VTI1A: variants seen among roughly 807,000 people sequenced by gnomAD.
VTI1A encodes the protein vesicle transport through interaction with t-SNAREs homolog 1A.
In VTI1A, 22 loss-of-function variants were observed where a neutral mutation model predicts 34.9. The ratio of observed to expected loss-of-function variants is 0.63; its 90% CI spans 0.45 to 0.90. VTI1A has a LOEUF of 0.90. Ranked by LOEUF, VTI1A falls within the 40% of genes least tolerant of loss-of-function variation. The pLI is 0.00. For synonymous variants in VTI1A, 87 were observed against 97.3 expected, an observed-to-expected ratio of 0.89 and a Z score of 0.62; for missense variants, 268 against 275.6, an observed-to-expected ratio of 0.97 and a Z score of 0.20.
At chr10:112,710,743 T>C (rs1450178527) in intron 7 of VTI1A, among the ~76,000 whole-genome samples, 1 of 152,178 alleles carries the variant, frequency 6.6e-6, no homozygotes, top group Non-Finnish European at 1.5e-5. Flanking sequence ...GTTATCTGCC[T>C]TAGCTCTGAA....
At chr10:112,756,260 T>C (rs1156546204) in intron 7 of VTI1A, among the ~76,000 whole-genome samples, 1 of 152,162 alleles carries the variant, frequency 6.6e-6, no homozygotes, top group East Asian at 1.9e-4. Flanking sequence ...TCATTATGCT[T>C]ATCAATCTTT....
chr10:112,732,450 G>A (rs1029792068), intron 7 of VTI1A, among the ~76,000 whole-genome samples: 3 of 152,200 alleles, frequency 2.0e-5, no homozygotes, highest in Admixed American at 6.5e-5. Context: ...TGCAGTGCAA[G>A]CATTCAGACT....
chr10:112,586,559 G>T (rs1032146427), intron 5 of VTI1A, among the ~76,000 whole-genome samples: 3 of 152,096 alleles, frequency 2.0e-5, no homozygotes, highest in African/African-American at 7.2e-5. Flanking sequence ...TTTTGACATT[G>T]CATGTGACCT....
chr10:112,668,867 G>C, intron 6 of VTI1A, 70 bp from the exon 7 acceptor site: 1 of 1,470,860 alleles, frequency 6.8e-7, no homozygotes, highest in Non-Finnish European at 9.4e-7. Flanking sequence ...GAAATAAATT[G>C]TCGCTTGCCA....
At chr10:112,469,569 C>T (rs1303185307) in intron 3 of VTI1A, among the ~76,000 whole-genome samples, 2 of 152,158 alleles carry the variant, frequency 1.3e-5, no homozygotes, top group Non-Finnish European at 2.9e-5. Flanking sequence ...TATTGTTAGA[C>T]TTTTTAGAAC....
Position 112,447,363 on chromosome 10 carries a change from C to T in VTI1A, c.-11C>T. 1 of 1,612,156 alleles carries T rather than the reference C, an allele frequency of 6.2e-7. No individual in the cohort carries two copies. The highest frequency in any genetic ancestry group is 8.5e-7 in the Non-Finnish European group (1 of 1,179,414). ...TAGGCTTTGGCCTGGGCTACTCGTT[C>T]CGGAGCCGCCATGTCGTCCGACTTC... On this transcript the variant is annotated 5_prime_UTR_variant, in exon 1 of 8. Transcript: ENST00000393077.
At chr10:112,708,314 T>A (rs939892825) in intron 7 of VTI1A, among the ~76,000 whole-genome samples, 3 of 152,256 alleles carry the variant, frequency 2.0e-5, no homozygotes, top group Non-Finnish European at 4.4e-5. Context: ...CAGGCACTAA[T>A]GTGCAGTATG....
At chr10:112,523,744 A>G (rs984510993) in intron 3 of VTI1A, among the ~76,000 whole-genome samples, 1 of 152,114 alleles carries the variant, frequency 6.6e-6, no homozygotes, top group East Asian at 1.9e-4. Context: ...ACTAAGACTA[A>G]AAATGTTGAC....
At chr10:112,760,837 G>A (rs955798407) in intron 7 of VTI1A, among the ~76,000 whole-genome samples, 4 of 150,062 alleles carry the variant, frequency 2.7e-5, no homozygotes, top group African/African-American at 4.9e-5. Context: ...TGCAGTGAGC[G>A]GAGATCGTGC....
intron 5 of VTI1A, among the ~76,000 whole-genome samples, chr10:112,616,100 G>C (rs945746921): frequency 6.6e-6 from 1 of 152,190 alleles, no homozygotes; most frequent in Non-Finnish European, 1.5e-5. Flanking sequence ...ATTATTTAAT[G>C]CATTGAAGGA....
chr10:112,601,526 C>T (rs916776917), intron 5 of VTI1A, among the ~76,000 whole-genome samples: 6 of 151,244 alleles, frequency 4.0e-5, no homozygotes, highest in East Asian at 1.9e-4. Flanking sequence ...AATGCCTTGT[C>T]GACTCTCTTT....
chr10:112,779,372 T>C lies in VTI1A; in HGVS notation c.561-35918T>C, dbSNP rs1227351845. On this transcript the variant is annotated intron_variant, in intron 7 of 7. Transcript: ENST00000393077. ...CAGCTTTATCTTTTTAAGAGGAGAC[T>C]AGATTTTGACACAGAGATAAGCAAG... Among the ~76,000 whole-genome samples the C allele has an allele frequency of 2.6e-5, 4 of 152,332 alleles. No homozygotes were observed. In the East Asian group the frequency reaches 7.7e-4, roughly 29 times the overall value.
intron 5 of VTI1A, among the ~76,000 whole-genome samples, chr10:112,575,511 G>A (rs955028327): frequency 2.0e-5 from 3 of 152,126 alleles, no homozygotes; most frequent in South Asian, 2.1e-4. Flanking sequence ...GTTTGTTCGC[G>A]TCCATTGTGT....
intron 7 of VTI1A, among the ~76,000 whole-genome samples, chr10:112,686,980 T>C (rs763878432): frequency 8.5e-5 from 13 of 152,152 alleles, no homozygotes; most frequent in Non-Finnish European, 1.5e-4. Context: ...GCCTTGATCA[T>C]GCAGCTGAGC....
chr10:112,648,955 A>T (rs932747392), intron 5 of VTI1A, among the ~76,000 whole-genome samples: 4 of 152,158 alleles, frequency 2.6e-5, no homozygotes, highest in African/African-American at 4.8e-5. Context: ...CCTGCTGTGT[A>T]TTAACAAATA....
chr10:112,768,702 G>C (rs1014520916), intron 7 of VTI1A, among the ~76,000 whole-genome samples: 1 of 152,138 alleles, frequency 6.6e-6, no homozygotes, highest in Non-Finnish European at 1.5e-5. Context: ...GGTGAGGGTG[G>C]GGAAAGAAAT....
chr10:112,521,783 TG>T (rs1486311693), intron 3 of VTI1A, among the ~76,000 whole-genome samples: 1 of 152,056 alleles, frequency 6.6e-6, no homozygotes, highest in Non-Finnish European at 1.5e-5. Flanking sequence ...AATTGCTTTT[TG>T]CTAGAAATTA....
intron 7 of VTI1A, among the ~76,000 whole-genome samples, chr10:112,769,655 G>C (rs1248823029): frequency 2.6e-5 from 4 of 152,162 alleles, no homozygotes; most frequent in Admixed American, 2.0e-4. Context: ...TATCAGGCTT[G>C]CAAGCCAATG....
At chr10:112,545,090 C>G (rs1851027523) in intron 5 of VTI1A, among the ~76,000 whole-genome samples, 1 of 152,130 alleles carries the variant, frequency 6.6e-6, no homozygotes, top group South Asian at 2.1e-4. Flanking sequence ...AAGATTTGGT[C>G]CTTTTACCAA....
Sources: gnomAD v4.1 joint callset for allele counts (sites outside exome capture counted in the v4.1 genomes callset) on GRCh38, gnomAD v4.1.1 for gene constraint, MANE v1.5 for transcripts, NCBI Gene and HGNC (gene_info 2026-07-23, HGNC 2026-07-21) for gene names.